Variants in KARS1 observed in about 807,000 individuals in gnomAD.
The protein encoded by KARS1 is lysine--tRNA ligase.
In KARS1, 50 loss-of-function variants were observed where a neutral mutation model predicts 63.9. That is an observed-to-expected ratio of 0.78 (90% CI 0.62 to 0.99). The LOEUF (loss-of-function observed/expected upper bound fraction) is 0.99. Among genes scored for constraint, KARS1 ranks in the 50% least tolerant of loss-of-function variants. The pLI is 0.00. For missense variants in KARS1, 816 were observed against 754.5 expected (o/e 1.08, Z -0.95); for synonymous variants, 320 against 264.6 (o/e 1.21, Z -2.03).
chr16:75,642,437 A>T (rs1050830006), intron 1 of KARS1, among the ~76,000 whole-genome samples: 33 of 152,132 alleles, frequency 2.2e-4, no homozygotes, highest in African/African-American at 7.2e-4. Flanking sequence ...CCTTTCCTCA[A>T]GTGATCTGCC....
intron 7 of KARS1, among the ~76,000 whole-genome samples, chr16:75,632,661 TG>T (rs2082125786): frequency 6.6e-6 from 1 of 152,340 alleles, no homozygotes; most frequent in East Asian, 1.9e-4. Flanking sequence ...GAAAATACAC[TG>T]GGTTCTCCAT....
rs754439515 is a variant in KARS1, at chr16:75,630,417, T to G, written c.1424+6A>C. The G allele has an allele frequency of 1.9e-6, 3 of 1,551,210 alleles. No individual in the cohort carries two copies. The South Asian group carries it at 3.3e-5, about 17-fold the overall frequency. On this transcript the variant is annotated splice_donor_region_variant and intron_variant, in intron 11 of 13. Transcript: ENST00000302445. ...GTTATGCAGCAATAGGTAACTGGAA[T>G]CTTACCATTTAGCCAAAGGGCTCAT...
chr16:75,628,606 C>T lies in KARS1; in HGVS notation c.1658G>A (p.Arg553Gln), dbSNP rs2082076841. 3.7e-6 allele frequency: 6 copies of T among 1,614,080 alleles called. No individual in the cohort carries two copies. The highest frequency in any genetic ancestry group is 2.2e-5 in the East Asian group (1 of 44,880). Residue 553 changes from arginine to glutamine, a missense_variant, in exon 13 of 14, where the codon CGA becomes CAA. Arg to Gln is a conservative substitution (Grantham distance 43). Transcript: ENST00000302445. ...PTAGWGMGID[R>Q]VAMFLTDSNN... ...GGAGTCCGTGAGAAACATGGCGACTCGATCAATGCCCATGCCCCAGCCAGC... is the reference window on the plus strand; with the variant it reads ...GGAGTCCGTGAGAAACATGGCGACTTGATCAATGCCCATGCCCCAGCCAGC...
intron 1 of KARS1, among the ~76,000 whole-genome samples, chr16:75,646,135 G>A (rs1234613605): frequency 6.6e-6 from 1 of 152,146 alleles, no homozygotes; most frequent in South Asian, 2.1e-4. Context: ...AAGTCCATCG[G>A]ATTGCTCTAA....
At chr16:75,628,973 T>C (rs2082080970) in intron 12 of KARS1, 2 of 532,328 alleles carry the variant, frequency 3.8e-6, no homozygotes, top group Non-Finnish European at 6.8e-6. Context: ...CTTGGGGCTC[T>C]GGGACTCCAA....
chr16:75,635,764 A>G lies in KARS1; in HGVS notation c.711T>C (p.Asn237=), dbSNP rs373541070. ...TGATAAATTTCTGCCTCACAAAGTC[A>G]TTCAGGATCAAGTCCAAGTATCTCT... ...YRQRYLDLIL[N]DFVRQKFIIR... Residue 237 remains asparagine (N), a synonymous_variant, in exon 6 of 14, where the codon AAT becomes AAC. Transcript: ENST00000302445. 6.2e-6 allele frequency: 10 copies of G among 1,614,222 alleles called. No homozygotes were observed. The highest frequency in any genetic ancestry group is 8.5e-7 in the Non-Finnish European group (1 of 1,180,030).
chr16:75,645,216 T>C (rs2082267928), intron 1 of KARS1, among the ~76,000 whole-genome samples: 1 of 152,126 alleles, frequency 6.6e-6, no homozygotes, highest in Admixed American at 6.5e-5. Flanking sequence ...AAAAAAATTA[T>C]TTTAGCTCAT....
chr16:75,637,613 T>TAAAA (rs956564816), intron 3 of KARS1, among the ~76,000 whole-genome samples: 1 of 149,970 alleles, frequency 6.7e-6, no homozygotes, highest in Non-Finnish European at 1.5e-5. Flanking sequence ...CTGTCTCTAC[T>TAAAA]AAAAAAAAAT....
chr16:75,628,128 T>C lies in KARS1; in HGVS notation c.1696-135A>G, dbSNP rs1343186460. 1.3e-5 allele frequency: 9 copies of C among 712,314 alleles called. No homozygotes were observed. In the East Asian group the frequency reaches 1.9e-4, roughly 15 times the overall value. The allele number at this position is 712,314 out of a possible 1,614,324, so 44.1% of individuals were successfully genotyped here. On this transcript the variant is annotated intron_variant, in intron 13 of 13. Transcript: ENST00000302445. ...AGTATATTCCAGCTGAAAAGGCTCA[T>C]GTGTTCTTTTATTTCAACTCAGACC... is the stretch of plus-strand genomic sequence containing the variant.
chr16:75,644,682 C>A (rs375723535), intron 1 of KARS1, among the ~76,000 whole-genome samples: 2 of 152,198 alleles, frequency 1.3e-5, no homozygotes, highest in African/African-American at 2.4e-5. Flanking sequence ...ACATGCATAT[C>A]TGGGGTAAAG....
intron 7 of KARS1, 187 bp downstream of exon 7, chr16:75,633,986 C>T (rs2082136629): frequency 1.4e-6 from 1 of 697,140 alleles, no homozygotes. Context: ...CTCTGCCCTA[C>T]AATGCTCTAT....
At chr16:75,631,279 G>A in intron 9 of KARS1, 26 bp from the exon 10 acceptor site, 2 of 1,604,280 alleles carry the variant, frequency 1.2e-6, no homozygotes, top group Non-Finnish European at 1.7e-6. Context: ...AAAAGTTAGG[G>A]CAGGAGACAT....
At chr16:75,642,412 G>C (rs1295339008) in intron 1 of KARS1, among the ~76,000 whole-genome samples, 2 of 151,986 alleles carry the variant, frequency 1.3e-5, no homozygotes, top group African/African-American at 4.8e-5. Flanking sequence ...ACGTTGGCCA[G>C]ACTGGTCTCA....
intron 1 of KARS1, 75 bp downstream of exon 1, chr16:75,647,503 G>T: frequency 7.3e-7 from 1 of 1,374,300 alleles, no homozygotes; most frequent in Non-Finnish European, 1.0e-6. Context: ...CAGCAGCCTT[G>T]GTGGGAACCT....
At chr16:75,631,953 T>C in intron 7 of KARS1, 98 bp from the exon 8 acceptor site, 1 of 1,430,064 alleles carries the variant, frequency 7.0e-7, no homozygotes. Flanking sequence ...AATGGCAAGA[T>C]CTCAGCTCAC....
At chr16:75,641,786 C>A in intron 1 of KARS1, 63 bp from the exon 2 acceptor site, 1 of 1,560,450 alleles carries the variant, frequency 6.4e-7, no homozygotes, top group South Asian at 1.1e-5. Context: ...TGTTCTGCCC[C>A]TAGCAACTTA....
At chr16:75,640,936 C>T (rs796877728) in intron 2 of KARS1, among the ~76,000 whole-genome samples, 14 of 152,272 alleles carry the variant, frequency 9.2e-5, no homozygotes, top group African/African-American at 3.4e-4. Context: ...GGTGTGGTGG[C>T]TCATGCCTGT....
chr16:75,631,627 C>T, intron 8 of KARS1, 38 bp from the exon 9 acceptor site: 1 of 1,613,892 alleles, frequency 6.2e-7, no homozygotes, highest in South Asian at 1.1e-5. Flanking sequence ...GAATGAAATC[C>T]AGGCAGCCCT....
At chr16:75,639,125 G>A (rs993035352) in intron 3 of KARS1, among the ~76,000 whole-genome samples, 4 of 151,496 alleles carry the variant, frequency 2.6e-5, no homozygotes, top group Admixed American at 6.6e-5. Flanking sequence ...CCGAGATTGC[G>A]CCATTGCACT....
Sources: allele counts gnomAD v4.1 joint callset (sites outside exome capture counted in the v4.1 genomes callset), GRCh38; gene constraint gnomAD v4.1.1; transcripts MANE v1.5; gene names NCBI Gene and HGNC (gene_info 2026-07-23, HGNC 2026-07-21).